DEPDC4: variants seen among roughly 807,000 people sequenced by gnomAD.
DEPDC4 encodes DEP domain-containing protein 4.
In DEPDC4, 52 loss-of-function variants were observed where a neutral mutation model predicts 52.0. The ratio of observed to expected loss-of-function variants is 1.00; its 90% CI spans 0.80 to 1.26. The LOEUF is 1.26. DEPDC4 is among the 50% of genes most tolerant of loss of function. The pLI is 0.00. For synonymous variants in DEPDC4, 201 were observed against 196.8 expected (o/e 1.02, Z -0.18); for missense variants, 530 against 546.9 (o/e 0.97, Z 0.31).
the DEPDC4 span, among the ~76,000 whole-genome samples, chr12:100,279,959 T>C: frequency 6.6e-5 from 10 of 152,336 alleles, no homozygotes; most frequent in Admixed American, 4.6e-4. Context: ...AGAACTTTCA[T>C]CTACCTCCGC....
intron 5 of DEPDC4, 74 bp downstream of exon 5, chr12:100,253,415 A>G: frequency 1.7e-6 from 1 of 588,824 alleles, no homozygotes; most frequent in East Asian, 6.8e-5. Context: ...AGTATACACA[A>G]TTTTCTATTT....
chr12:100,248,885 A>C lies in DEPDC4; in HGVS notation c.1453+15T>G, dbSNP rs1267506858. ...GTCACTTAATGATAAAGGAGGAACA[A>C]GCTGGAATCCATACCTGATATGGCA... On this transcript the variant is annotated intron_variant, in intron 8 of 9. Coordinates refer to ENST00000550587, the MANE Select transcript of DEPDC4 (RefSeq NM_001364818.2). 1.0e-6 allele frequency: 1 copy of C among 980,274 alleles called. No individual in the cohort carries two copies. The highest frequency in any genetic ancestry group is 1.2e-6 in the Non-Finnish European group (1 of 824,916). The allele number at this position is 980,274 out of a possible 1,614,324, so 60.7% of individuals were successfully genotyped here. A position where few individuals can be genotyped will look rare whatever the true frequency, so the allele number is the denominator to read the frequency against.
At chr12:100,251,457 G>A (rs2096207444) in intron 7 of DEPDC4, among the ~76,000 whole-genome samples, 1 of 152,078 alleles carries the variant, frequency 6.6e-6, no homozygotes, top group East Asian at 1.9e-4. Context: ...GTCTCACTCT[G>A]TCACCCAGGC....
At chr12:100,261,704 G>C (rs1163656391) in intron 3 of DEPDC4, 1 of 456,654 alleles carries the variant, frequency 2.2e-6, no homozygotes, top group East Asian at 6.9e-5. Context: ...AATGAATTAA[G>C]TGTTATTAGA....
rs1212541842 is a variant in DEPDC4 at position 100,263,858 on chromosome 12, C to T, written c.193G>A (p.Asp65Asn). 7 of 1,612,458 alleles carry T rather than the reference C, an allele frequency of 4.3e-6. No individual in the cohort carries two copies. In the South Asian group the frequency reaches 4.4e-5, roughly 10 times the overall value. Residue 65 changes from aspartate (D) to asparagine (N), a missense_variant, in exon 2 of 10, where the codon GAT (aspartate) becomes AAT (asparagine). Physicochemically the swap from Asp to Asn is conservative, Grantham distance 23. Transcript: ENST00000550587. ...GCCTGAAGAGAGTGAATAATACCAT[C>T]CCATAGCTGAGTAGCTTGAAAAGGA... ...SGPFQATQLW[D>N]GIIHSLQAQV...
At chr12:100,279,297 G>C in the DEPDC4 span, among the ~76,000 whole-genome samples, 1 of 152,222 alleles carries the variant, frequency 6.6e-6, no homozygotes, top group Non-Finnish European at 1.5e-5. Flanking sequence ...GCTCCTTTGA[G>C]AATCTATTGC....
chr12:100,244,095 G>GTATATATATA lies in DEPDC4; in HGVS notation c.1454-1536_1454-1527dup, dbSNP rs774444544. 9.3e-4 allele frequency among the ~76,000 whole-genome samples: 48 copies of GTATATATATA among 51,614 alleles called. 1 individual carries two copies. The highest frequency in any genetic ancestry group is 2.1e-3 in the African/African-American group (34 of 16,366). The allele number at this position is 51,614 out of a possible 152,430, so 33.9% of individuals were successfully genotyped here. A position where few individuals can be genotyped will look rare whatever the true frequency, so the allele number is the denominator to read the frequency against. On this transcript the variant is annotated intron_variant, in intron 8 of 9. Coordinates refer to ENST00000550587, the MANE Select transcript of DEPDC4 (RefSeq NM_001364818.2). ...CCTCTCTCTCTCTCTCTCTCTCTGT[G>GTATATATATA]TATATATATATATATATATATATAT...
the DEPDC4 span, among the ~76,000 whole-genome samples, chr12:100,281,833 CAA>C: frequency 2.9e-4 from 17 of 59,328 alleles, no homozygotes; most frequent in Admixed American, 3.9e-4. Context: ...GACTCCGTCT[CAA>C]AAAAAAAAAA....
At chr12:100,277,527 C>G in the DEPDC4 span, among the ~76,000 whole-genome samples, 2 of 152,164 alleles carry the variant, frequency 1.3e-5, no homozygotes, top group Non-Finnish European at 2.9e-5. Flanking sequence ...TGTCTTCAAG[C>G]TTATTCTGTT....
chr12:100,237,637 T>A (rs978646706), downstream of DEPDC4, among the ~76,000 whole-genome samples: 3 of 152,222 alleles, frequency 2.0e-5, no homozygotes, highest in African/African-American at 7.2e-5. Flanking sequence ...GAACCCACTA[T>A]TTACAGATGG....
chr12:100,257,860 C>T (rs1171081179), intron 3 of DEPDC4: 1 of 152,178 alleles, frequency 6.6e-6, no homozygotes, highest in Non-Finnish European at 1.5e-5. Context: ...AGCTCCCAAG[C>T]CAGTGGCCTG....
chr12:100,246,343 C>CAT (rs1032776571), intron 8 of DEPDC4, among the ~76,000 whole-genome samples: 1 of 152,124 alleles, frequency 6.6e-6, no homozygotes, highest in African/African-American at 2.4e-5. Context: ...CTGGCTTGAA[C>CAT]ATATCCCTGT....
the DEPDC4 span, among the ~76,000 whole-genome samples, chr12:100,278,547 G>A: frequency 3.3e-5 from 5 of 151,878 alleles, no homozygotes; most frequent in African/African-American, 1.2e-4. Context: ...TAGAATTCTA[G>A]GCTGACAGTT....
rs2096262538 is a variant in DEPDC4 at position 100,263,796 on chromosome 12, C to T, written c.255G>A (p.Gln85=). 6.2e-7 allele frequency: 1 copy of T among 1,614,174 alleles called. No individual in the cohort carries two copies. The highest frequency in any genetic ancestry group is 8.5e-7 in the Non-Finnish European group (1 of 1,180,030). The change falls in exon 2 of 10, where the codon CAG becomes CAA. Residue 85 remains glutamine (Q), a synonymous_variant. Transcript: ENST00000550587. ...AACCAGTGAAACAGTCTTTGTATGT[C>T]TGTAAATGATGCCTCCTTCTTTTTA... ...VEIKRRRHHL[Q]TYKDCFTGSD... is the part of the protein sequence containing the mutation.
chr12:100,253,601 G>T lies in DEPDC4; in HGVS notation c.993C>A (p.Asn331Lys), dbSNP rs184403779. 9 of 1,288,892 alleles carry T rather than the reference G, an allele frequency of 7.0e-6. No individual in the cohort carries two copies. In the East Asian group the frequency reaches 4.4e-4, roughly 64 times the overall value. 79.8% of individuals were successfully genotyped at this position (1,288,892 alleles called of 1,614,324 possible). Residue 331 changes from asparagine to lysine, a missense_variant, in exon 5 of 10, where the codon AAC becomes AAA. Transcript: ENST00000550587. ...MQNRNEETRL[N>K]SQKKILFDVI... is the part of the protein sequence containing the mutation. ...CATCAAAGAGTATCTTCTTCTGACT[G>T]TTCAATCTTGTCTCTTCATTTCTGT...
At chr12:100,245,375 T>G (rs1460164479) in intron 8 of DEPDC4, among the ~76,000 whole-genome samples, 1 of 152,138 alleles carries the variant, frequency 6.6e-6, no homozygotes, top group Non-Finnish European at 1.5e-5. Flanking sequence ...CAAGCAATTC[T>G]CATGCCTCAG....
intron 8 of DEPDC4, among the ~76,000 whole-genome samples, chr12:100,243,659 C>G (rs756332155): frequency 2.0e-5 from 3 of 152,132 alleles, no homozygotes; most frequent in South Asian, 2.1e-4. Flanking sequence ...TTCAATACCC[C>G]CTTTCTTCTG....
chr12:100,256,595 CATAG>C (rs1453733994), intron 3 of DEPDC4, among the ~76,000 whole-genome samples: 5 of 151,384 alleles, frequency 3.3e-5, no homozygotes, highest in African/African-American at 1.2e-4. Flanking sequence ...TTTATAGCAA[CATAG>C]ATAATTGTAG....
chr12:100,261,629 G>A (rs2096253923), intron 3 of DEPDC4: 13 of 446,026 alleles, frequency 2.9e-5, no homozygotes, highest in South Asian at 1.8e-4. Context: ...TGGTGAGTCC[G>A]TATGTTTTCT....
Sources: gnomAD v4.1 joint callset for allele counts (sites outside exome capture counted in the v4.1 genomes callset) on GRCh38, gnomAD v4.1.1 for gene constraint, MANE v1.5 for transcripts, NCBI Gene and HGNC (gene_info 2026-07-23, HGNC 2026-07-21) for gene names.